The following MAGI2 variants were observed in gnomAD, a reference collection of about 807,000 sequenced individuals.
The protein encoded by MAGI2 is membrane-associated guanylate kinase, WW and PDZ domain-containing protein 2.
MAGI2 carries 35 observed loss-of-function variants against 133.3 expected under a neutral mutation model. The ratio of observed to expected loss-of-function variants is 0.26; its 90% CI spans 0.20 to 0.35. The LOEUF (loss-of-function observed/expected upper bound fraction) is 0.35. Among genes scored for constraint, MAGI2 ranks in the 10% least tolerant of loss-of-function variants. MAGI2 has a pLI of 1.00. For synonymous variants in MAGI2, 729 were observed against 710.6 expected, an observed-to-expected ratio of 1.03 and a Z score of -0.41; for missense variants, 1,636 against 1,863.4, an observed-to-expected ratio of 0.88 and a Z score of 2.25.
intron 3 of MAGI2, among the ~76,000 whole-genome samples, chr7:78,528,270 A>G (rs1298639329): frequency 6.6e-6 from 1 of 152,224 alleles, no homozygotes; most frequent in Non-Finnish European, 1.5e-5. Flanking sequence ...CGTTAAACAG[A>G]GAAAAGATTT....
chr7:78,234,264 A>G (rs977924407), intron 10 of MAGI2, among the ~76,000 whole-genome samples: 4 of 152,156 alleles, frequency 2.6e-5, no homozygotes, highest in African/African-American at 7.2e-5. Context: ...ACATTTTCCA[A>G]TCTACTAGCA....
chr7:79,361,273 T>C (rs532058559), intron 1 of MAGI2, among the ~76,000 whole-genome samples: 2 of 152,264 alleles, frequency 1.3e-5, no homozygotes, highest in East Asian at 3.9e-4. Context: ...AGGTGGGAAC[T>C]TCAATACTGA....
At chr7:79,177,415 T>C (rs918678930) in intron 1 of MAGI2, among the ~76,000 whole-genome samples, 2 of 152,094 alleles carry the variant, frequency 1.3e-5, no homozygotes, top group African/African-American at 2.4e-5. Flanking sequence ...AAAAGTCATA[T>C]GAATTATGGT....
chr7:78,230,147 C>A (rs915942846), intron 10 of MAGI2, among the ~76,000 whole-genome samples: 3 of 152,242 alleles, frequency 2.0e-5, no homozygotes, highest in South Asian at 2.1e-4. Context: ...GTGCTCATCT[C>A]ATCATGCCTG....
At chr7:78,743,756 C>T (rs536007375) in intron 2 of MAGI2, among the ~76,000 whole-genome samples, 2 of 152,318 alleles carry the variant, frequency 1.3e-5, no homozygotes, top group Middle Eastern at 3.4e-3. Flanking sequence ...TTCAAAGACT[C>T]ATCAGCCTCT....
At chr7:78,875,821 T>C (rs1795374853) in intron 2 of MAGI2, among the ~76,000 whole-genome samples, 1 of 152,082 alleles carries the variant, frequency 6.6e-6, no homozygotes, top group African/African-American at 2.4e-5. Flanking sequence ...TGTTAAAATG[T>C]TTAAAAATAT....
intron 20 of MAGI2, among the ~76,000 whole-genome samples, chr7:78,081,409 A>ATTAT (rs1815954217): frequency 6.6e-6 from 1 of 152,220 alleles, no homozygotes; most frequent in Non-Finnish European, 1.5e-5. Context: ...AAATAAGGCT[A>ATTAT]TTACTACTCA....
At chr7:78,695,192 T>C (rs763554532) in intron 2 of MAGI2, among the ~76,000 whole-genome samples, 58 of 152,072 alleles carry the variant, frequency 3.8e-4, no homozygotes, top group Non-Finnish European at 7.9e-4. Context: ...ACCACTGCAC[T>C]CCAGCCTGGG....
chr7:79,025,068 G>A (rs532327415), intron 1 of MAGI2, among the ~76,000 whole-genome samples: 2 of 152,154 alleles, frequency 1.3e-5, no homozygotes, highest in East Asian at 3.9e-4. Context: ...GTTTATCACA[G>A]CACTATTCAC....
At chr7:78,936,874 C>T (rs1800557500) in intron 2 of MAGI2, among the ~76,000 whole-genome samples, 1 of 151,876 alleles carries the variant, frequency 6.6e-6, no homozygotes, top group Non-Finnish European at 1.5e-5. Context: ...AAATGGATAG[C>T]TACAGAAATG....
intron 1 of MAGI2, among the ~76,000 whole-genome samples, chr7:79,228,354 C>CAAAAAAAAAAAAAAAATAAAAAAAAAAA (rs746424350): frequency 3.2e-5 from 1 of 31,438 alleles, no homozygotes; most frequent in African/African-American, 7.5e-5. Context: ...AAAAAACAGG[C>CAAAAAAAAAAAAAAAATAAAAAAAAAAA]AAAAAAAAAA....
At chr7:79,119,558 CTTTT>C (rs1584971684) in intron 1 of MAGI2, among the ~76,000 whole-genome samples, 1 of 152,000 alleles carries the variant, frequency 6.6e-6, no homozygotes, top group African/African-American at 2.4e-5. Context: ...TTCAAGCTTT[CTTTT>C]TGTTAAGTGA....
intron 3 of MAGI2, among the ~76,000 whole-genome samples, chr7:78,546,705 T>C (rs1014494056): frequency 1.4e-4 from 21 of 151,574 alleles, no homozygotes; most frequent in Non-Finnish European, 2.8e-4. Context: ...TCTCTCTACC[T>C]AGAAGCAGTA....
chr7:78,314,468 C>CTTAT (rs1787200816), intron 9 of MAGI2, among the ~76,000 whole-genome samples: 1 of 152,106 alleles, frequency 6.6e-6, no homozygotes, highest in Non-Finnish European at 1.5e-5. Context: ...AGATGACTGA[C>CTTAT]TTATAAGAGG....
At chr7:78,538,987 G>A (rs1798191057) in intron 3 of MAGI2, among the ~76,000 whole-genome samples, 1 of 152,166 alleles carries the variant, frequency 6.6e-6, no homozygotes, top group African/African-American at 2.4e-5. Flanking sequence ...AGATACAGTG[G>A]AACATGACAA....
At chr7:79,185,191 A>T (rs1826968835) in intron 1 of MAGI2, among the ~76,000 whole-genome samples, 1 of 151,882 alleles carries the variant, frequency 6.6e-6, no homozygotes. Context: ...TGAGTTTGAC[A>T]ATTTCAGAAA....
chr7:78,768,795 C>G (rs566243733), intron 2 of MAGI2, among the ~76,000 whole-genome samples: 1 of 152,254 alleles, frequency 6.6e-6, no homozygotes, highest in East Asian at 1.9e-4. Flanking sequence ...TACTATTGCA[C>G]TATTTTGCAT....
chr7:78,332,459 G>A (rs1198536628), intron 9 of MAGI2, among the ~76,000 whole-genome samples: 4 of 152,226 alleles, frequency 2.6e-5, no homozygotes, highest in Admixed American at 2.6e-4. Context: ...AGCATTTCGG[G>A]AGGCCGAGGC....
intron 2 of MAGI2, among the ~76,000 whole-genome samples, chr7:78,729,759 T>G (rs922824229): frequency 6.6e-6 from 1 of 152,182 alleles, no homozygotes; most frequent in Non-Finnish European, 1.5e-5. Context: ...ATACATTGGT[T>G]TGGTAGTCTG....
Sources: gnomAD v4.1 joint callset for allele counts (sites outside exome capture counted in the v4.1 genomes callset) on GRCh38, gnomAD v4.1.1 for gene constraint, MANE v1.5 for transcripts, NCBI Gene and HGNC (gene_info 2026-07-23, HGNC 2026-07-21) for gene names.